Variants in RAB30 observed in about 807,000 individuals in gnomAD.
The protein encoded by RAB30 is RAB30, member RAS oncogene family, also known as ras-related protein Rab-30.
A neutral mutation model predicts 25.1 loss-of-function variants in RAB30; 9 were observed. The observed-to-expected ratio is 0.36, with a 90% CI of 0.22 to 0.63. The LOEUF (loss-of-function observed/expected upper bound fraction) is 0.63. Among genes scored for constraint, RAB30 ranks in the 20% least tolerant of loss-of-function variants. The probability of loss-of-function intolerance (pLI) is 0.69; values close to 1 mark genes in which losing one functional copy is unlikely to be tolerated. For missense variants in RAB30, 140 were observed against 243.5 expected (o/e 0.58, Z 2.83); for synonymous variants, 77 against 86.4 (o/e 0.89, Z 0.60).
At chr11:82,994,908 G>A (rs776138690) in intron 2 of RAB30, among the ~76,000 whole-genome samples, 1 of 151,920 alleles carries the variant, frequency 6.6e-6, no homozygotes, top group South Asian at 2.1e-4. Context: ...ACCCTCTCTG[G>A]GCCTCAAATT....
In RAB30 at chr11:82,977,242, T is replaced by C. The variant is rs1365285021; in HGVS notation, c.*4923A>G. On this transcript the variant is annotated 3_prime_UTR_variant, in exon 5 of 5. Coordinates refer to ENST00000527633, the MANE Select transcript of RAB30 (RefSeq NM_001286060.2). ...TCAATGAATGGACCGACAAAGCAAG[T>C]CCAGCATAGGGCATAATGGAGGGCC... 2.0e-5 allele frequency: 3 copies of C among 152,174 alleles called. No homozygotes were observed. The highest frequency in any genetic ancestry group is 2.9e-5 in the Non-Finnish European group (2 of 68,020). 9.4% of individuals were successfully genotyped at this position (152,174 alleles called of 1,614,324 possible).
intron 1 of RAB30, among the ~76,000 whole-genome samples, chr11:83,038,592 A>T (rs1275921498): frequency 6.6e-6 from 1 of 152,108 alleles, no homozygotes; most frequent in Non-Finnish European, 1.5e-5. Context: ...AGGCCAAGGC[A>T]GGCAGATCAC....
In RAB30 at chr11:82,976,202, G is replaced by A. The variant is rs529295052; in HGVS notation, c.*5963C>T. The A allele has an allele frequency of 7.2e-6, 1 of 138,532 alleles. No homozygotes were observed. The highest frequency in any genetic ancestry group is 7.0e-5 in the Admixed American group (1 of 14,236). 8.6% of individuals were successfully genotyped at this position (138,532 alleles called of 1,614,324 possible). On this transcript the variant is annotated 3_prime_UTR_variant, in exon 5 of 5. Coordinates refer to ENST00000527633, the MANE Select transcript of RAB30 (RefSeq NM_001286060.2). ...TCTTTGAAGCCAGGAAAGTTTCTTT[G>A]TTTTGTCTCTTAAGGATCTACACTT...
rs147917224 is a variant in RAB30 at position 83,039,570 on chromosome 11, T to C, written c.-9+32121A>G. The stretch of plus-strand genomic sequence containing the variant: ...GGCGTGTGTCTGTGTTCCCAGCTAC[T>C]TGGGAGGCTGAGGTGGGAGGATCAC... On this transcript the variant is annotated intron_variant, in intron 1 of 4. Coordinates refer to ENST00000527633, the MANE Select transcript of RAB30 (RefSeq NM_001286060.2). Among the ~76,000 whole-genome samples, 209 of 152,232 alleles carry C rather than the reference T, an allele frequency of 1.4e-3. 3 individuals are homozygous for C. In the East Asian group the frequency reaches 0.036, roughly 26 times the overall value.
intron 2 of RAB30, among the ~76,000 whole-genome samples, chr11:82,995,077 G>A (rs906351039): frequency 1.3e-5 from 2 of 152,232 alleles, no homozygotes; most frequent in African/African-American, 4.8e-5. Context: ...CTTAGGGAGG[G>A]AGTTGGGAGT....
At chr11:83,065,747 C>A (rs1294225231) in intron 1 of RAB30, among the ~76,000 whole-genome samples, 1 of 152,144 alleles carries the variant, frequency 6.6e-6, no homozygotes, top group Non-Finnish European at 1.5e-5. Context: ...TTAAAAACAG[C>A]TACCATGAGC....
rs1027758189 is a variant in RAB30 at position 83,003,295 on chromosome 11, T to A, written c.-8-5971A>T. ...TCCCACCATTCTGACAAAAGTCATA[T>A]ATATTGATTGCAGAAAATACAGACA... On this transcript the variant is annotated intron_variant, in intron 1 of 4. Coordinates refer to ENST00000527633, the MANE Select transcript of RAB30 (RefSeq NM_001286060.2). Among the ~76,000 whole-genome samples the A allele has an allele frequency of 4.6e-5, 7 of 152,370 alleles. No homozygotes were observed. The East Asian group carries it at 1.2e-3, about 25-fold the overall frequency.
rs187844808 is a variant in RAB30 at position 83,049,187 on chromosome 11, G to A, written c.-9+22504C>T. Among the ~76,000 whole-genome samples the A allele has an allele frequency of 7.2e-5, 11 of 152,152 alleles. No individual in the cohort carries two copies. The East Asian group carries it at 1.2e-3, about 16-fold the overall frequency. ...AGCACTTTGGGAGGCCAAGGCAGGCGGATCATGAGGTCAAGAGATCAAGAC... is the reference window on the plus strand; with the variant it reads ...AGCACTTTGGGAGGCCAAGGCAGGCAGATCATGAGGTCAAGAGATCAAGAC... On this transcript the variant is annotated intron_variant, in intron 1 of 4. Coordinates refer to ENST00000527633, the MANE Select transcript of RAB30 (RefSeq NM_001286060.2).
intron 1 of RAB30, among the ~76,000 whole-genome samples, chr11:83,023,986 G>A (rs1857649951): frequency 6.6e-6 from 1 of 152,128 alleles, no homozygotes. Flanking sequence ...TTTAATCCGT[G>A]CAGTTACCCC....
intron 1 of RAB30, among the ~76,000 whole-genome samples, chr11:83,015,161 A>T (rs1437262404): frequency 1.3e-5 from 2 of 152,168 alleles, no homozygotes; most frequent in Non-Finnish European, 2.9e-5. Context: ...CATTTTTAAA[A>T]TTTTTTTCTA....
At chr11:83,021,582 A>C (rs1341996279) in intron 1 of RAB30, among the ~76,000 whole-genome samples, 1 of 152,172 alleles carries the variant, frequency 6.6e-6, no homozygotes, top group Non-Finnish European at 1.5e-5. Context: ...CTCCATGCTC[A>C]CTCACACACC....
At chr11:83,055,598 A>G (rs779510998) in intron 1 of RAB30, among the ~76,000 whole-genome samples, 25 of 152,236 alleles carry the variant, frequency 1.6e-4, no homozygotes, top group Non-Finnish European at 3.4e-4. Flanking sequence ...CAAGTAGTAA[A>G]GGAGTGCTAT....
At chr11:83,054,168 C>T (rs1308961962) in intron 1 of RAB30, among the ~76,000 whole-genome samples, 1 of 152,166 alleles carries the variant, frequency 6.6e-6, no homozygotes, top group Non-Finnish European at 1.5e-5. Flanking sequence ...TCTTCATTAT[C>T]TTCCTGGAGT....
intron 1 of RAB30, among the ~76,000 whole-genome samples, chr11:83,043,931 G>A (rs1001985471): frequency 5.3e-5 from 8 of 152,096 alleles, no homozygotes; most frequent in Non-Finnish European, 7.4e-5. Flanking sequence ...ATAAAGTGCA[G>A]TAAACCAGGG....
rs201557234 is a variant in RAB30, at chr11:82,982,226, G to T, written c.551C>A (p.Ser184Tyr). Residue 184 changes from serine (S) to tyrosine (Y), a missense_variant, in exon 5 of 5, where the codon TCC becomes TAC. Physicochemically the swap from Ser to Tyr is moderately radical, Grantham distance 144 (BLOSUM62 -2). Transcript: ENST00000527633. ...ARQNTLVNNV[S>Y]SPLPGEGKSI... is the part of the protein sequence containing the mutation. ...TTTCCCTTCTCCAGGTAAGGGTGAGGATACATTGTTCACAAGTGTGTTCTG... is the reference window on the plus strand; with the variant it reads ...TTTCCCTTCTCCAGGTAAGGGTGAGTATACATTGTTCACAAGTGTGTTCTG... The T allele has an allele frequency of 1.7e-5, 28 of 1,614,220 alleles. No individual in the cohort carries two copies. The highest frequency in any genetic ancestry group is 2.2e-5 in the Non-Finnish European group (26 of 1,180,024).
At chr11:83,006,680 A>T (rs913237703) in intron 1 of RAB30, among the ~76,000 whole-genome samples, 5 of 149,942 alleles carry the variant, frequency 3.3e-5, no homozygotes, top group African/African-American at 1.3e-4. Context: ...GGCCCTGTTT[A>T]AAAAAAAATC....
At chr11:83,063,213 C>G (rs1306002778) in intron 1 of RAB30, among the ~76,000 whole-genome samples, 1 of 152,166 alleles carries the variant, frequency 6.6e-6, no homozygotes, top group Non-Finnish European at 1.5e-5. Flanking sequence ...TGCCAAAAAT[C>G]TGCCCTTTGA....
At chr11:83,004,864 A>C (rs1375361754) in intron 1 of RAB30, among the ~76,000 whole-genome samples, 1 of 152,008 alleles carries the variant, frequency 6.6e-6, no homozygotes, top group Non-Finnish European at 1.5e-5. Context: ...CCTTTCATCC[A>C]TCTTTCCGCC....
At chr11:83,056,296 C>G (rs1190178301) in intron 1 of RAB30, among the ~76,000 whole-genome samples, 2 of 152,156 alleles carry the variant, frequency 1.3e-5, no homozygotes, top group Non-Finnish European at 2.9e-5. Context: ...TTGTGACTGG[C>G]TTTTATTTCA....
Sources: gnomAD v4.1 joint callset for allele counts (sites outside exome capture counted in the v4.1 genomes callset) on GRCh38, gnomAD v4.1.1 for gene constraint, MANE v1.5 for transcripts, NCBI Gene and HGNC (gene_info 2026-07-23, HGNC 2026-07-21) for gene names.